TMTC2: variants seen among roughly 807,000 people sequenced by gnomAD.
The protein encoded by TMTC2 is transmembrane O-mannosyltransferase targeting cadherins 2.
TMTC2 carries 43 observed loss-of-function variants against 82.4 expected under a neutral mutation model. The ratio of observed to expected loss-of-function variants is 0.52; its 90% CI spans 0.41 to 0.67. TMTC2 has a LOEUF of 0.67. Among genes scored for constraint, TMTC2 ranks in the 30% least tolerant of loss-of-function variants. The pLI is 0.00. For missense variants in TMTC2, 919 were observed against 1,012.4 expected, an observed-to-expected ratio of 0.91 and a Z score of 1.25; for synonymous variants, 408 against 381.9, an observed-to-expected ratio of 1.07 and a Z score of -0.80.
At chr12:82,697,419 C>A (rs1413231366) in intron 1 of TMTC2, among the ~76,000 whole-genome samples, 1 of 151,196 alleles carries the variant, frequency 6.6e-6, no homozygotes, top group Non-Finnish European at 1.5e-5. Flanking sequence ...GCTGCAGATT[C>A]ACTGACCACA....
intron 4 of TMTC2, among the ~76,000 whole-genome samples, chr12:82,964,587 CA>C (rs1391934447): frequency 6.6e-6 from 1 of 152,126 alleles, no homozygotes. Flanking sequence ...GGCAGCCAAG[CA>C]CCAATATTTC....
chr12:83,082,261 G>A (rs1279899170), intron 11 of TMTC2, among the ~76,000 whole-genome samples: 1 of 152,132 alleles, frequency 6.6e-6, no homozygotes, highest in Non-Finnish European at 1.5e-5. Context: ...CCCCAAACAT[G>A]TGTGCTGTAT....
chr12:82,941,152 G>C (rs1876698059), intron 4 of TMTC2, among the ~76,000 whole-genome samples: 2 of 152,116 alleles, frequency 1.3e-5, no homozygotes, highest in Non-Finnish European at 2.9e-5. Flanking sequence ...TAGTTGCATT[G>C]TGATATTTAG....
chr12:82,884,635 G>C (rs1445098545), intron 2 of TMTC2, among the ~76,000 whole-genome samples: 1 of 152,014 alleles, frequency 6.6e-6, no homozygotes, highest in Admixed American at 6.6e-5. Context: ...TTTTAGAACA[G>C]TTTTAGGTTT....
chr12:82,942,640 T>C (rs1048592526), intron 4 of TMTC2, among the ~76,000 whole-genome samples: 1 of 152,206 alleles, frequency 6.6e-6, no homozygotes, highest in Non-Finnish European at 1.5e-5. Context: ...ATTTTAACAT[T>C]AAATTATCCA....
chr12:82,721,844 C>A (rs1259632996), intron 1 of TMTC2, among the ~76,000 whole-genome samples: 1 of 152,098 alleles, frequency 6.6e-6, no homozygotes, highest in East Asian at 1.9e-4. Flanking sequence ...ATTGTGTTTG[C>A]CTCTTCATGA....
rs146446886 is a variant in TMTC2, at chr12:82,918,378, C to T, written c.1484-12053C>T. On this transcript the variant is annotated intron_variant, in intron 3 of 11. Transcript: ENST00000321196. ...TAACACTTTGATTTCAAACAAGTAA[C>T]TCAGCGTTGGTGGAAGCAAAATTTA... is the stretch of plus-strand genomic sequence containing the variant. Among the ~76,000 whole-genome samples the T allele has an allele frequency of 3.9e-3, 587 of 152,294 alleles. 1 individual carries two copies. The highest frequency in any genetic ancestry group is 4.5e-3 in the Non-Finnish European group (304 of 68,026).
At chr12:82,709,732 G>A (rs748245884) in intron 1 of TMTC2, among the ~76,000 whole-genome samples, 15 of 152,184 alleles carry the variant, frequency 9.9e-5, no homozygotes, top group Non-Finnish European at 2.2e-4. Flanking sequence ...TATATCCAAT[G>A]TATGTTATAA....
chr12:82,718,262 C>CA (rs1386170302), intron 1 of TMTC2, among the ~76,000 whole-genome samples: 1 of 152,120 alleles, frequency 6.6e-6, no homozygotes, highest in Non-Finnish European at 1.5e-5. Context: ...AAGCAAAAAT[C>CA]AAAAAACTGC....
At chr12:82,970,734 C>T (rs1029358140) in intron 7 of TMTC2, among the ~76,000 whole-genome samples, 5 of 152,190 alleles carry the variant, frequency 3.3e-5, no homozygotes, top group Admixed American at 1.3e-4. Context: ...TTTTTGTCAT[C>T]ATTATGGCCT....
At chr12:82,887,297 T>C (rs1873149853) in intron 2 of TMTC2, among the ~76,000 whole-genome samples, 2 of 152,214 alleles carry the variant, frequency 1.3e-5, no homozygotes, top group South Asian at 2.1e-4. Flanking sequence ...TTGAAGCTGC[T>C]ATTATTAATG....
intron 1 of TMTC2, among the ~76,000 whole-genome samples, chr12:82,839,303 A>G (rs906613320): frequency 1.3e-5 from 2 of 152,160 alleles, no homozygotes; most frequent in Non-Finnish European, 2.9e-5. Flanking sequence ...GCAACTTTTA[A>G]TGTTTTTCAA....
chr12:82,962,792 A>T (rs1877999965), intron 4 of TMTC2, among the ~76,000 whole-genome samples: 1 of 152,010 alleles, frequency 6.6e-6, no homozygotes, highest in Non-Finnish European at 1.5e-5. Flanking sequence ...TCATGCAGAG[A>T]CTGTAGTTAT....
intron 8 of TMTC2, among the ~76,000 whole-genome samples, chr12:82,993,737 A>G (rs919231233): frequency 3.3e-5 from 5 of 152,188 alleles, no homozygotes; most frequent in African/African-American, 1.2e-4. Context: ...AAGGTAACTT[A>G]CATTTTGTCA....
chr12:82,772,359 A>G (rs2062049613), intron 1 of TMTC2, among the ~76,000 whole-genome samples: 1 of 152,226 alleles, frequency 6.6e-6, no homozygotes, highest in Non-Finnish European at 1.5e-5. Context: ...CAGCATTTTC[A>G]GTGGAGTCTT....
intron 10 of TMTC2, among the ~76,000 whole-genome samples, chr12:83,054,694 T>A (rs1882472712): frequency 6.6e-6 from 1 of 151,322 alleles, no homozygotes; most frequent in African/African-American, 2.4e-5. Context: ...TGTAGTTTTA[T>A]ATAGCATATA....
chr12:83,068,494 G>A (rs1450281356), intron 11 of TMTC2, among the ~76,000 whole-genome samples: 2 of 152,058 alleles, frequency 1.3e-5, no homozygotes, highest in Non-Finnish European at 2.9e-5. Context: ...AAATGGGGGA[G>A]GAACCACATG....
intron 11 of TMTC2, among the ~76,000 whole-genome samples, chr12:83,112,564 A>G (rs1884631623): frequency 6.6e-6 from 1 of 152,212 alleles, no homozygotes; most frequent in South Asian, 2.1e-4. Flanking sequence ...ATTATATGCA[A>G]TGGACATTAA....
chr12:82,823,954 T>G (rs1869261054), intron 1 of TMTC2, among the ~76,000 whole-genome samples: 1 of 150,914 alleles, frequency 6.6e-6, no homozygotes, highest in South Asian at 2.1e-4. Flanking sequence ...AGTGCAGTGG[T>G]GCAATTTCGA....
Sources: gnomAD v4.1 joint callset for allele counts (sites outside exome capture counted in the v4.1 genomes callset) on GRCh38, gnomAD v4.1.1 for gene constraint, MANE v1.5 for transcripts, NCBI Gene and HGNC (gene_info 2026-07-23, HGNC 2026-07-21) for gene names.